The following DNHD1 variants were observed in gnomAD, a reference collection of about 807,000 sequenced individuals.
The protein encoded by DNHD1 is dynein heavy chain domain-containing protein 1.
DNHD1 carries 383 observed loss-of-function variants against 458.1 expected under a neutral mutation model. The observed-to-expected ratio is 0.84, with a 90% CI of 0.77 to 0.91. The LOEUF is 0.91. Among genes scored for constraint, DNHD1 ranks in the 40% least tolerant of loss-of-function variants. DNHD1 has a pLI of 0.00. For synonymous variants in DNHD1, 2,203 were observed against 2,376.9 expected, an observed-to-expected ratio of 0.93 and a Z score of 2.13; for missense variants, 5,336 against 5,866.1, an observed-to-expected ratio of 0.91 and a Z score of 2.95.
chr11:6,522,187 T>G (rs1852617255), intron 10 of DNHD1, among the ~76,000 whole-genome samples: 1 of 152,074 alleles, frequency 6.6e-6, no homozygotes, highest in Admixed American at 6.6e-5. Context: ...TTAATGGGGC[T>G]GTTTTTTTTT....
chr11:6,557,952 G>A lies in DNHD1; in HGVS notation c.8657G>A (p.Gly2886Asp), dbSNP rs1457113843. Residue 2886 changes from glycine to aspartate, a missense_variant, in exon 25 of 43, where the codon GGC becomes GAC. By Grantham distance (94) the Gly-to-Asp change is moderately conservative. This residue lies in a region of DNHD1 where 3,932 missense variants were observed against 4,365.6 expected (regional missense o/e 0.90). Coordinates refer to ENST00000254579, the MANE Select transcript of DNHD1 (RefSeq NM_144666.3). Reference sequence around the variant, plus strand: ...GTGCTGGCCAGGCCCCGGCAGCATGGCCTGCTGCTCTCGGGGGCTCTGGGT... The same window carrying A: ...GTGCTGGCCAGGCCCCGGCAGCATGACCTGCTGCTCTCGGGGGCTCTGGGT... Reference protein sequence around the residue: ...VRVLARPRQHGLLLSGALGTG... With the variant: ...VRVLARPRQHDLLLSGALGTG... 2 of 1,551,496 alleles carry A rather than the reference G, an allele frequency of 1.3e-6. No homozygotes were observed. Among genetic ancestry groups the A allele is most frequent in the Non-Finnish European group, 1.7e-6 (2 of 1,147,008 alleles).
chr11:6,561,207 C>A (rs1265326924), intron 28 of DNHD1, among the ~76,000 whole-genome samples: 2 of 152,152 alleles, frequency 1.3e-5, no homozygotes, highest in Non-Finnish European at 2.9e-5. Context: ...AGGCCACTGC[C>A]AATGGATCAC....
At chr11:6,570,206 C>T (rs371642638) in intron 40 of DNHD1, 41 bp from the exon 41 acceptor site, 64 of 1,611,806 alleles carry the variant, frequency 4.0e-5, no homozygotes, top group Non-Finnish European at 5.3e-5. Context: ...GTGGTGGAAA[C>T]TGAAGGTACT....
chr11:6,523,865 GT>G (rs1171111153), intron 10 of DNHD1, among the ~76,000 whole-genome samples: 1 of 152,118 alleles, frequency 6.6e-6, no homozygotes, highest in Non-Finnish European at 1.5e-5. Context: ...GTGTGCACCT[GT>G]AGTCTCAGCT....
intron 3 of DNHD1, 109 bp from the exon 4 acceptor site, chr11:6,502,644 C>T: frequency 9.9e-7 from 1 of 1,011,418 alleles, no homozygotes; most frequent in Non-Finnish European, 1.4e-6. Flanking sequence ...CAGGTCTCCT[C>T]AGGCACCTGA....
intron 7 of DNHD1, among the ~76,000 whole-genome samples, chr11:6,512,406 TAG>T (rs1186207558): frequency 6.6e-6 from 1 of 151,498 alleles, no homozygotes; most frequent in East Asian, 1.9e-4. Flanking sequence ...GTATTTTTAG[TAG>T]AGATGGGGTT....
intron 7 of DNHD1, among the ~76,000 whole-genome samples, chr11:6,518,244 C>T (rs1223409894): frequency 1.3e-5 from 2 of 152,018 alleles, no homozygotes; most frequent in Admixed American, 6.6e-5. Context: ...GTATTTTTTG[C>T]AGAGATCGGG....
chr11:6,529,089 T>C lies in DNHD1; in HGVS notation c.2315T>C (p.Leu772Pro). ...TTGCTCACAAAAGGCGGGTTGCTGCTACTTAGCTGCCATGATGTACAGGCA... is the reference window on the plus strand; with the variant it reads ...TTGCTCACAAAAGGCGGGTTGCTGCCACTTAGCTGCCATGATGTACAGGCA... ...IELLTKGGLL[L>P]LSCHDVQAEM... The change falls in exon 12 of 43, where the codon CTA (leucine) becomes CCA (proline). Residue 772 changes from leucine to proline, a missense_variant. By Grantham distance (98) the Leu-to-Pro change is moderately conservative. Coordinates refer to ENST00000254579, the MANE Select transcript of DNHD1 (RefSeq NM_144666.3). The C allele has an allele frequency of 1.3e-6, 2 of 1,550,384 alleles. No homozygotes were observed. The highest frequency in any genetic ancestry group is 1.7e-6 in the Non-Finnish European group (2 of 1,146,924).
intron 12 of DNHD1, among the ~76,000 whole-genome samples, chr11:6,531,755 A>G (rs998046603): frequency 3.9e-5 from 6 of 152,198 alleles, no homozygotes; most frequent in African/African-American, 9.7e-5. Flanking sequence ...CATACCCAGT[A>G]TGTCTCAATT....
chr11:6,533,114 T>G lies in DNHD1; in HGVS notation c.2435T>G (p.Leu812Arg). 1.3e-6 allele frequency: 2 copies of G among 1,551,674 alleles called. No individual in the cohort carries two copies. Among genetic ancestry groups the G allele is most frequent in the Non-Finnish European group, 1.7e-6 (2 of 1,146,984 alleles). ...CTCAGTCAACAACTCATGACAGAGC[T>G]CACAGATTTCATGCATATCTTCCGA... ...WNLSQQLMTELTDFMHIFRTI... is the reference protein window; with the variant it reads ...WNLSQQLMTERTDFMHIFRTI... Residue 812 changes from leucine (L) to arginine (R), a missense_variant, in exon 13 of 43, where the codon CTC becomes CGC. This residue lies in a region of DNHD1 where 3,932 missense variants were observed against 4,365.6 expected (regional missense o/e 0.90). Coordinates refer to ENST00000254579, the MANE Select transcript of DNHD1 (RefSeq NM_144666.3).
rs751245170 is a variant in DNHD1 at position 6,545,263 on chromosome 11, C to T, written c.4324C>T (p.Pro1442Ser). The T allele has an allele frequency of 7.1e-6, 11 of 1,551,610 alleles. No individual in the cohort carries two copies. The African/African-American group carries it at 1.4e-4, about 19-fold the overall frequency. The change falls in exon 21 of 43, where the codon CCA (proline) becomes TCA (serine). Residue 1442 changes from proline to serine, a missense_variant. Transcript: ENST00000254579. The surrounding 1 kb of genome is among the most constrained non-coding windows in gnomAD (Gnocchi z 4.9). Reference sequence around the variant, plus strand: ...GCTGCAGGGTCCCCTTCCTCTGCATCCAGATCTCCCTAAGTGGCTGGCCTC... The same window carrying T: ...GCTGCAGGGTCCCCTTCCTCTGCATTCAGATCTCCCTAAGTGGCTGGCCTC... ...VKLQGPLPLH[P>S]DLPKWLASLE...
chr11:6,538,148 C>G (rs1257914771), intron 14 of DNHD1, among the ~76,000 whole-genome samples: 2 of 152,166 alleles, frequency 1.3e-5, no homozygotes, highest in Non-Finnish European at 2.9e-5. Context: ...AAGAGGAACT[C>G]TTCCCTTTCA....
chr11:6,512,412 T>C lies in DNHD1; in HGVS notation c.1392+983T>C, dbSNP rs377174107. On this transcript the variant is annotated intron_variant, in intron 7 of 42. Transcript: ENST00000254579. ...ATTTTTTTTGTATTTTTAGTAGAGA[T>C]GGGGTTTCACTGTGTTAGCCAGGAT... 4.2e-3 allele frequency among the ~76,000 whole-genome samples: 635 copies of C among 151,574 alleles called. 4 individuals carry two copies. Among genetic ancestry groups the C allele is most frequent in the South Asian group, 0.014 (68 of 4,782 alleles).
Position 6,559,421 on chromosome 11 carries a change from C to T in DNHD1, c.9519+138C>T, listed in dbSNP as rs1853538379. The stretch of plus-strand genomic sequence containing the variant: ...TTCCCTAGGAAATCTCTCTGATCTC[C>T]GCTGCCTCCTCCTTTACAGCTTAGG... On this transcript the variant is annotated intron_variant, in intron 28 of 42. Transcript: ENST00000254579. The T allele has an allele frequency of 2.3e-5, 17 of 724,578 alleles. 1 individual carries two copies. Among genetic ancestry groups the T allele is most frequent in the South Asian group, 1.7e-4 (9 of 52,906 alleles). 44.9% of individuals were successfully genotyped at this position (724,578 alleles called of 1,614,324 possible).
intron 28 of DNHD1, among the ~76,000 whole-genome samples, chr11:6,559,597 C>G (rs770871383): frequency 6.6e-6 from 1 of 152,212 alleles, no homozygotes; most frequent in African/African-American, 2.4e-5. Flanking sequence ...GGGGTTGGGG[C>G]AGGCATTACA....
intron 28 of DNHD1, among the ~76,000 whole-genome samples, chr11:6,560,667 G>T (rs577843311): frequency 6.6e-6 from 1 of 152,172 alleles, no homozygotes; most frequent in African/African-American, 2.4e-5. Context: ...TAGTCTCAGG[G>T]TCATTCAGAG....
At chr11:6,512,567 T>G (rs1852368182) in intron 7 of DNHD1, among the ~76,000 whole-genome samples, 1 of 152,154 alleles carries the variant, frequency 6.6e-6, no homozygotes, top group African/African-American at 2.4e-5. Context: ...TAACTTCTGT[T>G]GATTGCTCTG....
chr11:6,528,646 C>G lies in DNHD1; in HGVS notation c.1962C>G (p.His654Gln), dbSNP rs1342787233. Residue 654 changes from histidine to glutamine, a missense_variant, in exon 11 of 43, where the codon CAC (histidine) becomes CAG (glutamine). Transcript: ENST00000254579. ...NVGLVWPWKS[H>Q]PIAGILEVRG... Reference sequence around the variant, plus strand: ...GATTGGTGTGGCCCTGGAAGTCTCACCCAATTGCTGGTATCTTGGAGGTCC... The same window carrying G: ...GATTGGTGTGGCCCTGGAAGTCTCAGCCAATTGCTGGTATCTTGGAGGTCC... The G allele has an allele frequency of 6.4e-7, 1 of 1,551,628 alleles. No individual in the cohort carries two copies. Among genetic ancestry groups the G allele is most frequent in the African/African-American group, 1.4e-5 (1 of 73,054 alleles).
intron 12 of DNHD1, among the ~76,000 whole-genome samples, chr11:6,531,015 C>A (rs1188454860): frequency 6.6e-6 from 1 of 152,160 alleles, no homozygotes; most frequent in Non-Finnish European, 1.5e-5. Context: ...TATTTGTAAG[C>A]TGGGCATGAT....
Sources: gnomAD v4.1 joint callset for allele counts (sites outside exome capture counted in the v4.1 genomes callset) on GRCh38, gnomAD v4.1.1 for gene constraint, gnomAD v4.1.1 regional missense constraint, Gnocchi (gnomAD v3.1) non-coding constraint, MANE v1.5 for transcripts, NCBI Gene and HGNC (gene_info 2026-07-23, HGNC 2026-07-21) for gene names.